The following DLG1 variants were observed in gnomAD, a reference collection of about 807,000 sequenced individuals.
DLG1 encodes discs large MAGUK scaffold protein 1.
In DLG1, 42 loss-of-function variants were observed where a neutral mutation model predicts 123.4. The observed-to-expected ratio is 0.34, with a 90% CI of 0.27 to 0.44. The LOEUF (loss-of-function observed/expected upper bound fraction) is 0.44. DLG1 is among the 20% of genes least tolerant of loss of function. The pLI, the probability that DLG1 is intolerant of heterozygous loss-of-function variation, is 1.00. For synonymous variants in DLG1, 317 were observed against 356.2 expected (o/e 0.89, Z 1.24); for missense variants, 942 against 1,082.6 (o/e 0.87, Z 1.82).
At chr3:197,057,787 C>A (rs906190634) in intron 23 of DLG1, among the ~76,000 whole-genome samples, 1 of 152,046 alleles carries the variant, frequency 6.6e-6, no homozygotes, top group Non-Finnish European at 1.5e-5. Flanking sequence ...GTAGTCATAT[C>A]CTCTTTGTCT....
chr3:197,070,990 C>A (rs1361991558), intron 18 of DLG1: 1 of 151,982 alleles, frequency 6.6e-6, no homozygotes, highest in African/African-American at 2.4e-5. Context: ...ACATTATTTA[C>A]CTCGCTATTT....
intron 23 of DLG1, among the ~76,000 whole-genome samples, chr3:197,057,040 G>A (rs1732155178): frequency 6.6e-6 from 1 of 152,008 alleles, no homozygotes. Context: ...TTCTACTCCT[G>A]ATAGTATTTG....
At chr3:197,186,247 A>G (rs190478722) in intron 5 of DLG1, among the ~76,000 whole-genome samples, 5 of 152,326 alleles carry the variant, frequency 3.3e-5, no homozygotes, top group Admixed American at 3.3e-4. Flanking sequence ...GCGGAAGGCA[A>G]CCAACTGTTC....
At chr3:197,096,572 C>G (rs1401308563) in intron 14 of DLG1, among the ~76,000 whole-genome samples, 1 of 152,178 alleles carries the variant, frequency 6.6e-6, no homozygotes, top group African/African-American at 2.4e-5. Flanking sequence ...CTAAATTGAT[C>G]AAGTTGTAGA....
chr3:197,124,246 T>C (rs550531159), intron 11 of DLG1, among the ~76,000 whole-genome samples: 1 of 152,146 alleles, frequency 6.6e-6, no homozygotes, highest in Non-Finnish European at 1.5e-5. Context: ...AAAGAATCTT[T>C]TTATAGACTT....
Position 197,059,870 on chromosome 3 carries a change from C to T in DLG1, c.2483+19G>A. On this transcript the variant is annotated intron_variant, in intron 23 of 24. Coordinates refer to ENST00000667157, the MANE Select transcript of DLG1 (RefSeq NM_001366207.1). Reference sequence around the variant, plus strand: ...CTGAATTTGTACACAGAGGCTATGCCTTAGGCATTTACACTTACATGATAT... The same window carrying T: ...CTGAATTTGTACACAGAGGCTATGCTTTAGGCATTTACACTTACATGATAT... 1 of 1,537,212 alleles carries T rather than the reference C, an allele frequency of 6.5e-7. No homozygotes were observed. The highest frequency in any genetic ancestry group is 9.0e-7 in the Non-Finnish European group (1 of 1,110,740).
chr3:197,288,743 A>AAACATACATAC (rs1553827364), intron 3 of DLG1, among the ~76,000 whole-genome samples: 8 of 72,076 alleles, frequency 1.1e-4, no homozygotes, highest in Non-Finnish European at 1.4e-4. Context: ...AAAAAAAAAA[A>AAACATACATAC]ATACATACAT....
chr3:197,093,597 T>C (rs1758995630), intron 14 of DLG1, among the ~76,000 whole-genome samples: 1 of 152,046 alleles, frequency 6.6e-6, no homozygotes, highest in Admixed American at 6.5e-5. Context: ...TGCAGTCCTT[T>C]ATTTTTAACC....
intron 13 of DLG1, among the ~76,000 whole-genome samples, chr3:197,114,778 C>T (rs1374444483): frequency 6.6e-6 from 1 of 151,904 alleles, no homozygotes; most frequent in African/African-American, 2.4e-5. Flanking sequence ...GTCAGGAGAT[C>T]GAGACCATCC....
chr3:197,056,214 GA>G (rs1158665543), intron 23 of DLG1, among the ~76,000 whole-genome samples: 1 of 152,154 alleles, frequency 6.6e-6, no homozygotes, highest in Admixed American at 6.5e-5. Flanking sequence ...TCTGGGTGGG[GA>G]GACAGATTCC....
intron 4 of DLG1, among the ~76,000 whole-genome samples, chr3:197,239,857 A>AAAAAG (rs59163023): frequency 6.6e-6 from 1 of 151,472 alleles, no homozygotes; most frequent in Non-Finnish European, 1.5e-5. Flanking sequence ...AAAAAAAAAA[A>AAAAAG]GAATTCTAGC....
chr3:197,095,007 T>C (rs1036527610), intron 14 of DLG1, among the ~76,000 whole-genome samples: 15 of 152,240 alleles, frequency 9.9e-5, no homozygotes, highest in African/African-American at 2.7e-4. Context: ...GTCTATGCAT[T>C]TTCTAGCATT....
In DLG1 at chr3:197,190,209, A is replaced by G. The variant is rs150301195; in HGVS notation, c.483+4216T>C. Among the ~76,000 whole-genome samples, 1,480 of 152,222 alleles carry G rather than the reference A, an allele frequency of 9.7e-3. 18 individuals are homozygous for G. Among genetic ancestry groups the G allele is most frequent in the African/African-American group, 0.023 (959 of 41,542 alleles). On this transcript the variant is annotated intron_variant, in intron 5 of 24. Transcript: ENST00000667157. ...TATCAATTTAAGTCTCTCACTCTAG[A>G]AGGAGGATTCGACAAATGATGTCAG...
At chr3:197,050,720 T>C (rs867551485) in intron 24 of DLG1, among the ~76,000 whole-genome samples, 4 of 152,192 alleles carry the variant, frequency 2.6e-5, no homozygotes, top group Admixed American at 2.6e-4. Context: ...AGTTTTAACA[T>C]GAGTAAATTC....
chr3:197,189,281 G>T (rs528212514), intron 5 of DLG1, among the ~76,000 whole-genome samples: 13 of 152,170 alleles, frequency 8.5e-5, no homozygotes, highest in African/African-American at 3.1e-4. Flanking sequence ...TCAAATTATG[G>T]TGCAAATATA....
At chr3:197,090,056 G>A (rs1391783508) in intron 15 of DLG1, among the ~76,000 whole-genome samples, 2 of 152,204 alleles carry the variant, frequency 1.3e-5, no homozygotes, top group East Asian at 1.9e-4. Flanking sequence ...ATAGATACAC[G>A]TGTATAGGAT....
At chr3:197,194,388 T>C (rs767737976) in intron 5 of DLG1, 37 bp downstream of exon 5, 2 of 1,389,220 alleles carry the variant, frequency 1.4e-6, no homozygotes, top group Middle Eastern at 1.9e-4. Context: ...AAAAGTAATA[T>C]GTAATTCATA....
intron 4 of DLG1, among the ~76,000 whole-genome samples, chr3:197,232,415 T>C (rs151160112): frequency 3.3e-5 from 5 of 149,652 alleles, no homozygotes; most frequent in African/African-American, 1.2e-4. Context: ...ATACTGCTCA[T>C]GGTAACAAAA....
At chr3:197,165,659 C>T (rs1022884670) in intron 5 of DLG1, among the ~76,000 whole-genome samples, 3 of 152,122 alleles carry the variant, frequency 2.0e-5, no homozygotes, top group Admixed American at 6.5e-5. Context: ...TAATAACAAT[C>T]GTAACTGATA....
Sources: allele counts gnomAD v4.1 joint callset (sites outside exome capture counted in the v4.1 genomes callset), GRCh38; gene constraint gnomAD v4.1.1; transcripts MANE v1.5; gene names NCBI Gene and HGNC (gene_info 2026-07-23, HGNC 2026-07-21).